The following LRFN2 variants were observed in gnomAD, a reference collection of about 807,000 sequenced individuals.
LRFN2 encodes leucine rich repeat and fibronectin type III domain containing 2.
In LRFN2, 18 loss-of-function variants were observed where a neutral mutation model predicts 37.3. The observed-to-expected ratio is 0.48, with a 90% CI of 0.33 to 0.72. The LOEUF is 0.72. Ranked by LOEUF, LRFN2 falls within the 30% of genes least tolerant of loss-of-function variation. The pLI is 0.02. For synonymous variants in LRFN2, 556 were observed against 466.6 expected, an observed-to-expected ratio of 1.19 and a Z score of -2.47; for missense variants, 1,006 against 1,060.7, an observed-to-expected ratio of 0.95 and a Z score of 0.72.
At chr6:40,456,336 T>C (rs969203) in intron 1 of LRFN2, among the ~76,000 whole-genome samples, 1 of 152,136 alleles carries the variant, frequency 6.6e-6, no homozygotes, top group African/African-American at 2.4e-5. Context: ...AGGAGGCAGA[T>C]AACTGCTTAG....
At chr6:40,480,382 G>C (rs1229140645) in intron 1 of LRFN2, among the ~76,000 whole-genome samples, 2 of 152,074 alleles carry the variant, frequency 1.3e-5, no homozygotes, top group East Asian at 1.9e-4. Context: ...GGGCTCAGAT[G>C]ATCCTCCCAC....
At chr6:40,442,795 G>A (rs542383704) in intron 1 of LRFN2, among the ~76,000 whole-genome samples, 1 of 152,234 alleles carries the variant, frequency 6.6e-6, no homozygotes, top group Non-Finnish European at 1.5e-5. Flanking sequence ...ACTGCATGGG[G>A]CCCTGCTGAG....
At chr6:40,475,215 A>G (rs966899351) in intron 1 of LRFN2, among the ~76,000 whole-genome samples, 10 of 152,202 alleles carry the variant, frequency 6.6e-5, no homozygotes, top group Admixed American at 3.3e-4. Flanking sequence ...ACTGAAGTAC[A>G]ACAAAGGACA....
At chr6:40,445,664 G>A (rs955436183) in intron 1 of LRFN2, among the ~76,000 whole-genome samples, 1 of 152,196 alleles carries the variant, frequency 6.6e-6, no homozygotes, top group Non-Finnish European at 1.5e-5. Flanking sequence ...TCCTCAAGAG[G>A]CCCCGGCTTG....
Position 40,432,057 on chromosome 6 carries a change from C to T in LRFN2, c.1057G>A (p.Asp353Asn). Residue 353 changes from aspartate (D) to asparagine (N), a missense_variant, in exon 2 of 3, where the codon GAC becomes AAC. Around this residue, in one of 4 missense-constraint regions of LRFN2, gnomAD observed 303 missense variants for 299.8 expected, o/e 1.01. Coordinates refer to ENST00000338305, the MANE Select transcript of LRFN2 (RefSeq NM_020737.3). ...GCAATGCAGGTGAAGGCACCACTGT[C>T]CTGAGATGTGGTGATGAAGATGTCC... ...TLDIFITTSQ[D>N]SGAFTCIAAN... 6.2e-7 allele frequency: 1 copy of T among 1,614,050 alleles called. No individual in the cohort carries two copies.
intron 2 of LRFN2, among the ~76,000 whole-genome samples, chr6:40,422,889 T>A (rs1763262283): frequency 6.6e-6 from 1 of 152,244 alleles, no homozygotes; most frequent in South Asian, 2.1e-4. Context: ...AGAGGGAGAC[T>A]GGATACTGTA....
Position 40,441,743 on chromosome 6 carries a change from G to A in LRFN2, c.-18-8612C>T, listed in dbSNP as rs116554508. ...CACTCCAGCCTACAGGTGTGAGTAC[G>A]TGGGGGCCCTCGTGTCACACAATGA... is the stretch of plus-strand genomic sequence containing the variant. On this transcript the variant is annotated intron_variant, in intron 1 of 2. Coordinates refer to ENST00000338305, the MANE Select transcript of LRFN2 (RefSeq NM_020737.3). 5.7e-3 allele frequency among the ~76,000 whole-genome samples: 869 copies of A among 152,244 alleles called. 10 individuals carry two copies. The highest frequency in any genetic ancestry group is 0.02 in the African/African-American group (812 of 41,536).
chr6:40,478,766 G>A (rs1764762467), intron 1 of LRFN2, among the ~76,000 whole-genome samples: 1 of 152,178 alleles, frequency 6.6e-6, no homozygotes, highest in African/African-American at 2.4e-5. Context: ...GTATGTGTGT[G>A]TATGCACACA....
chr6:40,399,087 G>A (rs1363369755), intron 2 of LRFN2, among the ~76,000 whole-genome samples: 1 of 151,892 alleles, frequency 6.6e-6, no homozygotes, highest in African/African-American at 2.4e-5. Context: ...GCCGGAAGAG[G>A]GGAGAAGCCA....
intron 1 of LRFN2, among the ~76,000 whole-genome samples, chr6:40,459,918 T>C (rs1764310666): frequency 6.6e-6 from 1 of 152,232 alleles, no homozygotes; most frequent in African/African-American, 2.4e-5. Flanking sequence ...CACTCACTCA[T>C]GGTCACCCAG....
intron 1 of LRFN2, among the ~76,000 whole-genome samples, chr6:40,482,452 A>G (rs926405386): frequency 1.3e-5 from 2 of 152,112 alleles, no homozygotes; most frequent in African/African-American, 4.8e-5. Flanking sequence ...CCTTGGGGGA[A>G]TCCTGTCCCT....
At chr6:40,407,656 A>G (rs554004022) in intron 2 of LRFN2, among the ~76,000 whole-genome samples, 12 of 152,244 alleles carry the variant, frequency 7.9e-5, no homozygotes, top group Non-Finnish European at 1.8e-4. Flanking sequence ...ATACCTTGTT[A>G]TAAACACAGA....
At chr6:40,464,029 A>T (rs1764404752) in intron 1 of LRFN2, among the ~76,000 whole-genome samples, 1 of 152,014 alleles carries the variant, frequency 6.6e-6, no homozygotes, top group African/African-American at 2.4e-5. Context: ...CTCGGACTTT[A>T]CTCTGCAGGA....
chr6:40,583,159 T>C (rs1433853926), intron 1 of LRFN2, among the ~76,000 whole-genome samples: 2 of 143,322 alleles, frequency 1.4e-5, no homozygotes, highest in Admixed American at 1.4e-4. Flanking sequence ...TCTTTTGATA[T>C]AAAAAGTACA....
intron 1 of LRFN2, among the ~76,000 whole-genome samples, chr6:40,554,179 C>T (rs1766827263): frequency 6.6e-6 from 1 of 152,212 alleles, no homozygotes; most frequent in Non-Finnish European, 1.5e-5. Flanking sequence ...ATGAGATATA[C>T]TAAAGCACAA....
At chr6:40,477,681 C>A (rs950714320) in intron 1 of LRFN2, among the ~76,000 whole-genome samples, 6 of 152,168 alleles carry the variant, frequency 3.9e-5, no homozygotes, top group Admixed American at 6.5e-5. Context: ...GTGGCCTCAG[C>A]TAAGCAGCCA....
chr6:40,548,681 T>C (rs531142232), intron 1 of LRFN2, among the ~76,000 whole-genome samples: 16 of 152,168 alleles, frequency 1.1e-4, no homozygotes, highest in Non-Finnish European at 2.1e-4. Flanking sequence ...TTGAGAGGAA[T>C]ATATAGCCTA....
chr6:40,579,697 A>G (rs557412001), intron 1 of LRFN2, among the ~76,000 whole-genome samples: 40 of 152,114 alleles, frequency 2.6e-4, no homozygotes, highest in African/African-American at 9.6e-4. Context: ...GCCACCCCCA[A>G]CATAATCAAG....
intron 1 of LRFN2, chr6:40,524,008 G>T (rs903057703): frequency 6.6e-6 from 1 of 151,160 alleles, no homozygotes; most frequent in African/African-American, 2.5e-5. Flanking sequence ...AGGGGGAGGG[G>T]CTGGGGAGGC....
Sources: gnomAD v4.1 joint callset for allele counts (sites outside exome capture counted in the v4.1 genomes callset) on GRCh38, gnomAD v4.1.1 for gene constraint, gnomAD v4.1.1 regional missense constraint, MANE v1.5 for transcripts, NCBI Gene and HGNC (gene_info 2026-07-23, HGNC 2026-07-21) for gene names.